Variants in CNGA3 observed in about 807,000 individuals in gnomAD.
The protein encoded by CNGA3 is cyclic nucleotide gated channel subunit alpha 3.
A neutral mutation model predicts 46.6 loss-of-function variants in CNGA3; 42 were observed. The observed-to-expected ratio is 0.90, with a 90% CI of 0.70 to 1.17. The LOEUF is 1.17. CNGA3 is among the 50% of genes most tolerant of loss of function. CNGA3 has a pLI of 0.00. For missense variants in CNGA3, 893 were observed against 890.7 expected (o/e 1.00, Z -0.03); for synonymous variants, 394 against 369.4 (o/e 1.07, Z -0.76).
intron 6 of CNGA3, 93 bp from the exon 7 acceptor site, chr2:98,391,771 A>G: frequency 2.6e-6 from 3 of 1,170,608 alleles, no homozygotes; most frequent in Non-Finnish European, 3.8e-6. Flanking sequence ...TACATGATCC[A>G]GCGTCTTCCA....
chr2:98,349,413 G>A (rs1303721703), intron 1 of CNGA3, among the ~76,000 whole-genome samples: 1 of 152,174 alleles, frequency 6.6e-6, no homozygotes, highest in Non-Finnish European at 1.5e-5. Flanking sequence ...GGAGAAAATA[G>A]GCACCTCTAA....
At chr2:98,381,932 G>A (rs558340122) in intron 4 of CNGA3, among the ~76,000 whole-genome samples, 1 of 152,292 alleles carries the variant, frequency 6.6e-6, no homozygotes, top group African/African-American at 2.4e-5. Flanking sequence ...AAGCCAGCCA[G>A]ACTGGTCTAA....
At chr2:98,371,972 T>G (rs556791892) in intron 2 of CNGA3, among the ~76,000 whole-genome samples, 162 of 152,316 alleles carry the variant, frequency 1.1e-3, no homozygotes, top group Non-Finnish European at 1.9e-3. Flanking sequence ...AATGGAACTT[T>G]TCCTCTTTGC....
intron 1 of CNGA3, among the ~76,000 whole-genome samples, chr2:98,363,151 A>G (rs1368051305): frequency 6.6e-6 from 1 of 152,214 alleles, no homozygotes; most frequent in East Asian, 1.9e-4. Flanking sequence ...TTTGGTTTCC[A>G]TATGAATTTT....
At chr2:98,372,105 T>C (rs1692301024) in intron 2 of CNGA3, among the ~76,000 whole-genome samples, 1 of 151,868 alleles carries the variant, frequency 6.6e-6, no homozygotes, top group Non-Finnish European at 1.5e-5. Context: ...CCCACTGGAG[T>C]AGGCACCCAG....
chr2:98,369,484 G>A (rs1258357138), intron 1 of CNGA3, among the ~76,000 whole-genome samples: 1 of 152,168 alleles, frequency 6.6e-6, no homozygotes, highest in East Asian at 1.9e-4. Flanking sequence ...TGTCACATAT[G>A]GTCCTTTTTT....
intron 2 of CNGA3, among the ~76,000 whole-genome samples, chr2:98,372,997 G>A (rs979223448): frequency 6.6e-6 from 1 of 152,238 alleles, no homozygotes; most frequent in Non-Finnish European, 1.5e-5. Context: ...GACAGAAAGA[G>A]TGCTTCCTTT....
chr2:98,371,533 C>T (rs1178160105), intron 2 of CNGA3, among the ~76,000 whole-genome samples: 2 of 152,168 alleles, frequency 1.3e-5, no homozygotes, highest in Non-Finnish European at 1.5e-5. Context: ...AGGAAGATCC[C>T]AGAGCATCCC....
rs143854481 is a variant in CNGA3, at chr2:98,379,281, T to C, written c.216-894T>C. On this transcript the variant is annotated intron_variant, in intron 3 of 7. Coordinates refer to ENST00000272602, the MANE Select transcript of CNGA3 (RefSeq NM_001298.3). ...TGATTAGGGTCAAGGTATGTGACAA[T>C]TCATAGCTTAGTTCCAGGTTGTTCA... Among the ~76,000 whole-genome samples the C allele has an allele frequency of 1.2e-3, 176 of 152,354 alleles. 3 individuals are homozygous for C. The highest frequency in any genetic ancestry group is 4.1e-3 in the African/African-American group (170 of 41,596).
At chr2:98,373,961 A>T (rs200550052) in intron 2 of CNGA3, among the ~76,000 whole-genome samples, 100 of 152,356 alleles carry the variant, frequency 6.6e-4, no homozygotes, top group East Asian at 6.4e-3. Flanking sequence ...CCAAAGGCTT[A>T]AAAATGCATT....
chr2:98,389,511 C>A (rs1692734313), intron 5 of CNGA3, 147 bp from the exon 6 acceptor site: 3 of 754,636 alleles, frequency 4.0e-6, no homozygotes, highest in Non-Finnish European at 7.2e-6. Context: ...CAGGGACTCC[C>A]CATGTGACTC....
At chr2:98,378,714 G>A (rs1392467900) in intron 3 of CNGA3, among the ~76,000 whole-genome samples, 2 of 152,214 alleles carry the variant, frequency 1.3e-5, no homozygotes, top group Admixed American at 6.5e-5. Flanking sequence ...GGAAGAAAGA[G>A]AACACCTTTA....
intron 1 of CNGA3, among the ~76,000 whole-genome samples, chr2:98,353,645 A>G (rs1172870824): frequency 3.9e-5 from 6 of 152,206 alleles, no homozygotes; most frequent in African/African-American, 2.4e-5. Flanking sequence ...GCCATTACCA[A>G]TCTAATAAAT....
In CNGA3 at chr2:98,375,399, G is replaced by C. The variant is rs990774401; in HGVS notation, c.102-2288G>C. Among the ~76,000 whole-genome samples, 146 of 152,138 alleles carry C rather than the reference G, an allele frequency of 9.6e-4. 2 individuals carry two copies. Among genetic ancestry groups the C allele is most frequent in the Non-Finnish European group, 5.9e-5 (4 of 68,020 alleles). On this transcript the variant is annotated intron_variant, in intron 2 of 7. Transcript: ENST00000272602. ...GCACACAGGCTGTGACAGGGCCCCC[G>C]CCCAGCTGTCAGCTGCCATCACCAC... is the stretch of plus-strand genomic sequence containing the variant.
chr2:98,370,037 C>T lies in CNGA3; in HGVS notation c.62C>T (p.Ser21Leu). ...PSRTHLKVKT[S>L]DRDLNRAENG... ...AGGACCCACCTCAAGGTAAAGACCTCAGACCGAGATCTCAATCGCGCTGAA... is the reference window on the plus strand; with the variant it reads ...AGGACCCACCTCAAGGTAAAGACCTTAGACCGAGATCTCAATCGCGCTGAA... The change falls in exon 2 of 8, where the codon TCA becomes TTA. Residue 21 changes from serine (S) to leucine (L), a missense_variant. Physicochemically the swap from Ser to Leu is moderately radical, Grantham distance 145. Transcript: ENST00000272602. The T allele has an allele frequency of 6.2e-7, 1 of 1,614,038 alleles. No homozygotes were observed. The highest frequency in any genetic ancestry group is 8.5e-7 in the Non-Finnish European group (1 of 1,179,990).
At chr2:98,369,821 G>T in intron 1 of CNGA3, 118 bp from the exon 2 acceptor site, 1 of 669,466 alleles carries the variant, frequency 1.5e-6, no homozygotes, top group Non-Finnish European at 2.7e-6. Flanking sequence ...AGACAGCAGA[G>T]GGTGTGCCTG....
Position 98,397,328 on chromosome 2 carries a change from A to C in CNGA3, c.*73A>C. ...CCGTATGTGGCCGCAGCTGTGTGGC[A>C]TGGAACTTGGTCAGGGTTGAATTCC... On this transcript the variant is annotated 3_prime_UTR_variant, in exon 8 of 8. Coordinates refer to ENST00000272602, the MANE Select transcript of CNGA3 (RefSeq NM_001298.3). 1.4e-6 allele frequency: 2 copies of C among 1,479,572 alleles called. No homozygotes were observed. The highest frequency in any genetic ancestry group is 1.9e-6 in the Non-Finnish European group (2 of 1,070,220). 91.7% of individuals were successfully genotyped at this position (1,479,572 alleles called of 1,614,324 possible).
intron 2 of CNGA3, chr2:98,377,467 A>T: frequency 1.8e-6 from 1 of 555,492 alleles, no homozygotes; most frequent in Non-Finnish European, 3.3e-6. Context: ...CTAGCCCTGG[A>T]CAGTAGCTAC....
intron 5 of CNGA3, among the ~76,000 whole-genome samples, chr2:98,385,260 G>T (rs1415001261): frequency 6.6e-6 from 1 of 152,222 alleles, no homozygotes; most frequent in Non-Finnish European, 1.5e-5. Context: ...AGCGCCGTCT[G>T]CTGGTGACTT....
Sources: allele counts gnomAD v4.1 joint callset (sites outside exome capture counted in the v4.1 genomes callset), GRCh38; gene constraint gnomAD v4.1.1; transcripts MANE v1.5; gene names NCBI Gene and HGNC (gene_info 2026-07-23, HGNC 2026-07-21).